The following MTNAP1 variants were observed in gnomAD, a reference collection of about 807,000 sequenced individuals.
MTNAP1 encodes mitochondrial nucleoid associated protein 1.
chr17:73,245,661 G>A, the MTNAP1 span: 18 of 985,316 alleles, frequency 1.8e-5, no homozygotes, highest in African/African-American at 2.8e-4. Flanking sequence ...TTTCTTTGGG[G>A]CCCTTGACCA....
chr17:73,241,306 C>T, the MTNAP1 span, among the ~76,000 whole-genome samples: 5 of 152,060 alleles, frequency 3.3e-5, no homozygotes, highest in African/African-American at 7.2e-5. Context: ...TACAAGCGCC[C>T]GCCACCACGC....
At chr17:73,245,316 TAAAG>T in the MTNAP1 span, 12 of 1,414,766 alleles carry the variant, frequency 8.5e-6, no homozygotes, top group African/African-American at 1.3e-4. Context: ...GTGAAAAAAA[TAAAG>T]AATAAAATTA....
At chr17:73,247,158 C>T in the MTNAP1 span, 220 of 1,266,658 alleles carry the variant, frequency 1.7e-4, 1 homozygote, top group African/African-American at 2.8e-3. Flanking sequence ...GGCTGTTTCA[C>T]ACAACAACAG....
At chr17:73,232,440 G>T in the MTNAP1 span, 2 of 1,049,194 alleles carry the variant, frequency 1.9e-6, no homozygotes, top group Non-Finnish European at 2.6e-6. Flanking sequence ...TGGGAGAAAG[G>T]ACCTCCCCTG....
the MTNAP1 span, among the ~76,000 whole-genome samples, chr17:73,246,591 G>A: frequency 6.6e-6 from 1 of 152,138 alleles, no homozygotes; most frequent in Non-Finnish European, 1.5e-5. Flanking sequence ...TGACTTGTAT[G>A]TCGTTTCTCT....
chr17:73,235,514 G>A, the MTNAP1 span: 1 of 1,613,602 alleles, frequency 6.2e-7, no homozygotes, highest in Non-Finnish European at 8.5e-7. Flanking sequence ...ATGGAAGTGT[G>A]TCCTTACTGT....
At chr17:73,238,936 T>TGTGTG in the MTNAP1 span, among the ~76,000 whole-genome samples, 2 of 150,346 alleles carry the variant, frequency 1.3e-5, no homozygotes, top group South Asian at 2.1e-4. Flanking sequence ...TGTGTGTGTG[T>TGTGTG]TTTGTTTTTT....
At chr17:73,241,091 A>G in the MTNAP1 span, among the ~76,000 whole-genome samples, 4 of 152,336 alleles carry the variant, frequency 2.6e-5, no homozygotes, top group African/African-American at 4.8e-5. Context: ...TATCAGTAGT[A>G]GAGATTACCT....
At chr17:73,243,827 T>G in the MTNAP1 span, among the ~76,000 whole-genome samples, 1 of 152,178 alleles carries the variant, frequency 6.6e-6, no homozygotes, top group African/African-American at 2.4e-5. Context: ...GCCACCGCAC[T>G]CAGCCTTTGT....
At chr17:73,238,555 G>A in the MTNAP1 span, among the ~76,000 whole-genome samples, 1 of 152,164 alleles carries the variant, frequency 6.6e-6, no homozygotes, top group Admixed American at 6.5e-5. Context: ...CTATAAACAG[G>A]CCTAACGTCT....
chr17:73,241,700 C>T, the MTNAP1 span, among the ~76,000 whole-genome samples: 1 of 152,082 alleles, frequency 6.6e-6, no homozygotes, highest in African/African-American at 2.4e-5. Flanking sequence ...GAGGCTGGGG[C>T]GGGCAGAACA....
chr17:73,245,032 C>A, the MTNAP1 span: 2 of 752,388 alleles, frequency 2.7e-6, no homozygotes, highest in South Asian at 2.0e-5. Context: ...GAAAGTGAAA[C>A]AAACTTCTCA....
the MTNAP1 span, chr17:73,236,289 G>C: frequency 2.5e-6 from 4 of 1,614,144 alleles, no homozygotes; most frequent in Non-Finnish European, 3.4e-6. Context: ...CAGTTACTGA[G>C]ACTCCAGAAA....
the MTNAP1 span, chr17:73,247,220 T>C: frequency 6.2e-7 from 1 of 1,607,488 alleles, no homozygotes; most frequent in Non-Finnish European, 8.5e-7. Flanking sequence ...GCTGAAAATA[T>C]TTACTATCTG....
chr17:73,248,305 G>T, the MTNAP1 span: 1 of 598,682 alleles, frequency 1.7e-6, no homozygotes, highest in African/African-American at 1.9e-5. Context: ...CGCTTCAGGT[G>T]TGAGGCGGGG....
At chr17:73,235,487 G>A in the MTNAP1 span, 8 of 1,607,610 alleles carry the variant, frequency 5.0e-6, no homozygotes, top group African/African-American at 9.4e-5. Flanking sequence ...AATAGGATGA[G>A]TGATAATCCA....
chr17:73,234,063 G>A, the MTNAP1 span, among the ~76,000 whole-genome samples: 1 of 152,116 alleles, frequency 6.6e-6, no homozygotes, highest in African/African-American at 2.4e-5. Flanking sequence ...GTAGTCAGAA[G>A]ATATTATCAG....
chr17:73,242,709 GTAAC>G, the MTNAP1 span, among the ~76,000 whole-genome samples: 1 of 152,182 alleles, frequency 6.6e-6, no homozygotes, highest in Non-Finnish European at 1.5e-5. Flanking sequence ...CAAAACAAGA[GTAAC>G]TAATTTGAAT....
the MTNAP1 span, chr17:73,248,155 A>G: frequency 1.1e-5 from 3 of 265,616 alleles, no homozygotes; most frequent in South Asian, 1.3e-4. Context: ...TCGCTCATGT[A>G]TGCAAAATTC....
Sources: allele counts gnomAD v4.1 joint callset (sites outside exome capture counted in the v4.1 genomes callset), GRCh38; gene constraint gnomAD v4.1.1; transcripts MANE v1.5; gene names NCBI Gene and HGNC (gene_info 2026-07-23, HGNC 2026-07-21).